MAGI1: variants seen among roughly 807,000 people sequenced by gnomAD.
The protein encoded by MAGI1 is membrane-associated guanylate kinase, WW and PDZ domain-containing protein 1.
MAGI1 carries 58 observed loss-of-function variants against 139.9 expected under a neutral mutation model. The observed-to-expected ratio is 0.41, with a 90% CI of 0.34 to 0.52. The LOEUF is 0.52. Ranked by LOEUF, MAGI1 falls within the 20% of genes least tolerant of loss-of-function variation. MAGI1 has a pLI of 0.12. For synonymous variants in MAGI1, 812 were observed against 737.9 expected, an observed-to-expected ratio of 1.10 and a Z score of -1.63; for missense variants, 1,874 against 1,901.6, an observed-to-expected ratio of 0.99 and a Z score of 0.27.
At chr3:65,467,074 A>G (rs1408501899) in intron 5 of MAGI1, among the ~76,000 whole-genome samples, 1 of 152,204 alleles carries the variant, frequency 6.6e-6, no homozygotes, top group Non-Finnish European at 1.5e-5. Context: ...GGATAAATGG[A>G]GTAAAACAGA....
At chr3:65,927,124 C>G (rs534321195) in intron 1 of MAGI1, among the ~76,000 whole-genome samples, 147 of 152,302 alleles carry the variant, frequency 9.7e-4, no homozygotes, top group Non-Finnish European at 1.6e-3. Context: ...GATGGGCAAC[C>G]GGCAGCCCTC....
intron 15 of MAGI1, 105 bp from the exon 16 acceptor site, chr3:65,382,174 G>T: frequency 1.1e-6 from 1 of 946,574 alleles, no homozygotes; most frequent in Non-Finnish European, 1.6e-6. Flanking sequence ...ATGTCTGCAG[G>T]CATGCCGCAA....
At chr3:65,716,208 T>A (rs930524551) in intron 1 of MAGI1, among the ~76,000 whole-genome samples, 3 of 152,184 alleles carry the variant, frequency 2.0e-5, no homozygotes, top group Non-Finnish European at 2.9e-5. Context: ...AGCCTAAGGA[T>A]CTGGGATAGT....
At chr3:65,647,714 A>T (rs1470771033) in intron 1 of MAGI1, among the ~76,000 whole-genome samples, 1 of 152,214 alleles carries the variant, frequency 6.6e-6, no homozygotes, top group Non-Finnish European at 1.5e-5. Flanking sequence ...TTTTATGACA[A>T]AAACTTTAAG....
chr3:65,751,092 C>A (rs376180497), intron 1 of MAGI1, among the ~76,000 whole-genome samples: 1 of 152,302 alleles, frequency 6.6e-6, no homozygotes, highest in South Asian at 2.1e-4. Context: ...GCACACGTGC[C>A]TGGCACTGGG....
chr3:65,918,592 G>C (rs1434370181), intron 1 of MAGI1, among the ~76,000 whole-genome samples: 25 of 151,958 alleles, frequency 1.6e-4, no homozygotes, highest in Admixed American at 1.6e-3. Context: ...TGTTGGTCAG[G>C]CTGGTCTCAA....
At chr3:65,969,457 C>T (rs957372261) in intron 1 of MAGI1, among the ~76,000 whole-genome samples, 2 of 152,162 alleles carry the variant, frequency 1.3e-5, no homozygotes, top group African/African-American at 4.8e-5. Context: ...CAGATATTGC[C>T]AAGTGCTCCC....
chr3:65,725,877 T>C (rs1377965062), intron 1 of MAGI1, among the ~76,000 whole-genome samples: 2 of 152,146 alleles, frequency 1.3e-5, no homozygotes, highest in Non-Finnish European at 2.9e-5. Context: ...AGGAAAAAGG[T>C]TGGAACTCAA....
chr3:65,373,783 G>C (rs1224052239), intron 18 of MAGI1, among the ~76,000 whole-genome samples: 1 of 152,124 alleles, frequency 6.6e-6, no homozygotes, highest in Non-Finnish European at 1.5e-5. Flanking sequence ...AGACCAGTTG[G>C]TAAGTGACTA....
At chr3:65,841,165 C>A (rs1289313667) in intron 1 of MAGI1, among the ~76,000 whole-genome samples, 1 of 151,966 alleles carries the variant, frequency 6.6e-6, no homozygotes, top group Non-Finnish European at 1.5e-5. Flanking sequence ...TAATTTGTAT[C>A]TTTTTTTCTA....
At chr3:65,504,585 G>A (rs1050031934) in intron 2 of MAGI1, among the ~76,000 whole-genome samples, 2 of 152,126 alleles carry the variant, frequency 1.3e-5, no homozygotes, top group African/African-American at 4.8e-5. Context: ...GTGGAGGAGC[G>A]AGGTGCAGCT....
At chr3:65,991,306 G>GT (rs1487931258) in intron 1 of MAGI1, among the ~76,000 whole-genome samples, 4,129 of 93,464 alleles carry the variant, frequency 0.044, 82 homozygotes, top group African/African-American at 0.11. Context: ...AAAAAAAAAG[G>GT]TAAAAAAAAA....
intron 2 of MAGI1, among the ~76,000 whole-genome samples, chr3:65,508,206 A>C (rs1373050231): frequency 6.6e-6 from 1 of 152,122 alleles, no homozygotes; most frequent in South Asian, 2.1e-4. Flanking sequence ...GATCAACACC[A>C]TCCTGGCTAA....
At chr3:65,734,914 G>A (rs1382000290) in intron 1 of MAGI1, among the ~76,000 whole-genome samples, 1 of 150,518 alleles carries the variant, frequency 6.6e-6, no homozygotes, top group Non-Finnish European at 1.5e-5. Context: ...AGAGAGCGGA[G>A]GGGAGGGGAG....
chr3:65,602,046 C>T (rs1238036728), intron 2 of MAGI1, among the ~76,000 whole-genome samples: 1 of 152,090 alleles, frequency 6.6e-6, no homozygotes, highest in East Asian at 1.9e-4. Flanking sequence ...CATTCATACC[C>T]ACTAAAATGG....
chr3:65,998,105 G>GAA (rs374034371), intron 1 of MAGI1, among the ~76,000 whole-genome samples: 33 of 122,460 alleles, frequency 2.7e-4, no homozygotes, highest in South Asian at 5.2e-4. Flanking sequence ...TCTGTCTCGG[G>GAA]AAAAAAAAAA....
intron 2 of MAGI1, among the ~76,000 whole-genome samples, chr3:65,542,399 C>T (rs2079276393): frequency 6.6e-6 from 1 of 152,168 alleles, no homozygotes; most frequent in Admixed American, 6.6e-5. Flanking sequence ...TGACTTTCTT[C>T]ACAGAATTAG....
chr3:65,853,058 G>A, intron 1 of MAGI1, among the ~76,000 whole-genome samples: 1 of 151,856 alleles, frequency 6.6e-6, no homozygotes. Context: ...CTGAGGCAGG[G>A]AAATCGCTTG....
chr3:65,504,109 A>T (rs58357692), intron 2 of MAGI1, among the ~76,000 whole-genome samples: 48,643 of 152,110 alleles, frequency 0.32, 9,538 homozygotes, highest in East Asian at 0.73. Flanking sequence ...GAGCTGATGT[A>T]AGAAGAACCA....
Sources: gnomAD v4.1 joint callset for allele counts (sites outside exome capture counted in the v4.1 genomes callset) on GRCh38, gnomAD v4.1.1 for gene constraint, MANE v1.5 for transcripts, NCBI Gene and HGNC (gene_info 2026-07-23, HGNC 2026-07-21) for gene names.